The following RNF13 variants were observed in gnomAD, a reference collection of about 807,000 sequenced individuals.
RNF13 encodes ring finger protein 13.
A neutral mutation model predicts 37.7 loss-of-function variants in RNF13; 19 were observed. The ratio of observed to expected loss-of-function variants is 0.50; its 90% CI spans 0.35 to 0.74. The LOEUF is 0.74. Ranked by LOEUF, RNF13 falls within the 30% of genes least tolerant of loss-of-function variation. The pLI, the probability that RNF13 is intolerant of heterozygous loss-of-function variation, is 0.01. For missense variants in RNF13, 375 were observed against 453.0 expected (o/e 0.83, Z 1.56); for synonymous variants, 144 against 157.8 (o/e 0.91, Z 0.65).
intron 8 of RNF13, among the ~76,000 whole-genome samples, chr3:149,925,555 G>A (rs1022704602): frequency 1.3e-5 from 2 of 151,896 alleles, no homozygotes; most frequent in Non-Finnish European, 2.9e-5. Context: ...GTTGCATTTA[G>A]GTATAGTTCA....
At chr3:149,849,919 C>G (rs1722979270) in intron 2 of RNF13, among the ~76,000 whole-genome samples, 1 of 151,590 alleles carries the variant, frequency 6.6e-6, no homozygotes, top group East Asian at 1.9e-4. Context: ...TAAGTGGAGT[C>G]AAACTTATGT....
rs1719092598 is a variant in RNF13, at chr3:149,813,329, T to A, written c.-41T>A. The A allele has an allele frequency of 6.6e-6, 1 of 152,204 alleles. No individual in the cohort carries two copies. Among genetic ancestry groups the A allele is most frequent in the Non-Finnish European group, 1.5e-5 (1 of 68,082 alleles). 9.4% of individuals were successfully genotyped at this position (152,204 alleles called of 1,614,324 possible). ...CAGCGACGCGGCTGGCAAGACTGTTTGTGTTGCGGGGGCCGGACTTCAAGG... is the reference window on the plus strand; with the variant it reads ...CAGCGACGCGGCTGGCAAGACTGTTAGTGTTGCGGGGGCCGGACTTCAAGG... On this transcript the variant is annotated 5_prime_UTR_variant, in exon 1 of 10. Transcript: ENST00000392894.
chr3:149,876,771 C>CTTTTTTTTTTTTTTT (rs768071913), intron 4 of RNF13, among the ~76,000 whole-genome samples: 1 of 82,494 alleles, frequency 1.2e-5, no homozygotes, highest in Non-Finnish European at 2.3e-5. Context: ...GTCATCATAT[C>CTTTTTTTTTTTTTTT]TTTTTTTTTT....
chr3:149,860,603 A>G (rs952894935), intron 3 of RNF13, among the ~76,000 whole-genome samples: 2 of 152,070 alleles, frequency 1.3e-5, no homozygotes, highest in African/African-American at 2.4e-5. Flanking sequence ...ATCTCTGACC[A>G]TATACAAAAA....
At chr3:149,836,916 CTTATA>C (rs1721681778) in intron 1 of RNF13, among the ~76,000 whole-genome samples, 4 of 152,122 alleles carry the variant, frequency 2.6e-5, no homozygotes, top group Non-Finnish European at 4.4e-5. Flanking sequence ...TATGATTCCA[CTTATA>C]TTAGGTAGTT....
intron 4 of RNF13, among the ~76,000 whole-genome samples, chr3:149,875,820 C>G (rs1013032979): frequency 7.5e-4 from 7 of 9,276 alleles, no homozygotes; most frequent in African/African-American, 4.9e-3. Context: ...ACTGTATCCT[C>G]TGAAAAATAC....
chr3:149,822,837 G>C (rs772537360), intron 1 of RNF13, among the ~76,000 whole-genome samples: 1 of 151,992 alleles, frequency 6.6e-6, no homozygotes, highest in Non-Finnish European at 1.5e-5. Context: ...CATATTTATC[G>C]CAGAGTCTGG....
At chr3:149,928,978 A>C (rs931967191) in intron 8 of RNF13, among the ~76,000 whole-genome samples, 1 of 152,070 alleles carries the variant, frequency 6.6e-6, no homozygotes, top group Non-Finnish European at 1.5e-5. Context: ...TGGATTGTTC[A>C]TTGCTGGTGT....
At chr3:149,834,362 A>G (rs1163513610) in intron 1 of RNF13, among the ~76,000 whole-genome samples, 2 of 152,234 alleles carry the variant, frequency 1.3e-5, no homozygotes, top group Non-Finnish European at 2.9e-5. Flanking sequence ...TCCAGTAATT[A>G]AAATAGTGTG....
At chr3:149,836,284 A>G (rs987925992) in intron 1 of RNF13, among the ~76,000 whole-genome samples, 39 of 152,278 alleles carry the variant, frequency 2.6e-4, no homozygotes, top group African/African-American at 7.9e-4. Flanking sequence ...AAAAATGAAC[A>G]TAGGAGCTGA....
chr3:149,854,794 A>C (rs1474025939), intron 3 of RNF13, among the ~76,000 whole-genome samples: 1 of 152,204 alleles, frequency 6.6e-6, no homozygotes. Context: ...GTTTCCTTAC[A>C]TGTCTACTTC....
chr3:149,897,040 C>A (rs146291175), intron 5 of RNF13, among the ~76,000 whole-genome samples: 83 of 152,250 alleles, frequency 5.5e-4, no homozygotes, highest in African/African-American at 2.0e-3. Context: ...AATGTTAGTA[C>A]TGCCAATTTG....
At chr3:149,932,977 A>G (rs1370219951) in intron 8 of RNF13, among the ~76,000 whole-genome samples, 1 of 152,160 alleles carries the variant, frequency 6.6e-6, no homozygotes, top group East Asian at 1.9e-4. Flanking sequence ...TTTCTAATAC[A>G]TCCTCTGAAA....
intron 4 of RNF13, among the ~76,000 whole-genome samples, chr3:149,877,150 T>G (rs1712816515): frequency 6.6e-6 from 1 of 152,170 alleles, no homozygotes; most frequent in Non-Finnish European, 1.5e-5. Context: ...ATATCATGTT[T>G]TAGATTCTGT....
In RNF13 at chr3:149,872,056, A is replaced by G; in HGVS notation, c.223A>G (p.Asn75Asp). 1 of 1,603,592 alleles carries G rather than the reference A, an allele frequency of 6.2e-7. No individual in the cohort carries two copies. The highest frequency in any genetic ancestry group is 2.2e-5 in the East Asian group (1 of 44,662). ...KGFLINSKPE[N>D]ACEPIVPPPV... Reference sequence around the variant, plus strand: ...TTTTTTGATTAACTCAAAACCAGAGAATGCCTGTGAACCCATAGTGCCTCC... The same window carrying G: ...TTTTTTGATTAACTCAAAACCAGAGGATGCCTGTGAACCCATAGTGCCTCC... Residue 75 changes from asparagine to aspartate, a missense_variant, in exon 4 of 10, where the codon AAT (asparagine) becomes GAT (aspartate). By Grantham distance (23) the Asn-to-Asp change is conservative. Coordinates refer to ENST00000392894, the MANE Select transcript of RNF13 (RefSeq NM_183381.3).
chr3:149,876,849 G>C lies in RNF13; in HGVS notation c.321+4695G>C, dbSNP rs1712769234. Among the ~76,000 whole-genome samples the C allele has an allele frequency of 2.7e-5, 4 of 146,848 alleles. No homozygotes were observed. The South Asian group carries it at 6.4e-4, about 24-fold the overall frequency. ...GCTGGAGTGCAGTAGCACGGTCTTG[G>C]CTCACTGCAACCTCTGCCTCCCGGG... is the stretch of plus-strand genomic sequence containing the variant. On this transcript the variant is annotated intron_variant, in intron 4 of 9. Transcript: ENST00000392894.
chr3:149,866,832 T>C (rs1711497974), intron 3 of RNF13, among the ~76,000 whole-genome samples: 1 of 152,224 alleles, frequency 6.6e-6, no homozygotes, highest in Non-Finnish European at 1.5e-5. Flanking sequence ...ACTTGCCATG[T>C]ATTTGTGAAG....
chr3:149,858,445 G>T (rs768765074), intron 3 of RNF13, among the ~76,000 whole-genome samples: 1 of 152,182 alleles, frequency 6.6e-6, no homozygotes, highest in Non-Finnish European at 1.5e-5. Context: ...GCCTTGATAG[G>T]TGGAGGAGAT....
chr3:149,826,402 C>G (rs1191835369), intron 1 of RNF13, among the ~76,000 whole-genome samples: 1 of 152,172 alleles, frequency 6.6e-6, no homozygotes, highest in Non-Finnish European at 1.5e-5. Flanking sequence ...GTTAACTCTG[C>G]TCAAGATCTG....
Sources: allele counts gnomAD v4.1 joint callset (sites outside exome capture counted in the v4.1 genomes callset), GRCh38; gene constraint gnomAD v4.1.1; transcripts MANE v1.5; gene names NCBI Gene and HGNC (gene_info 2026-07-23, HGNC 2026-07-21).